Variants in CEP170 observed in about 807,000 individuals in gnomAD.
CEP170 encodes centrosomal protein 170.
In CEP170, 21 loss-of-function variants were observed where a neutral mutation model predicts 151.9. That is an observed-to-expected ratio of 0.14 (90% CI 0.10 to 0.20). The LOEUF (loss-of-function observed/expected upper bound fraction) is 0.20. Among genes scored for constraint, CEP170 ranks in the 10% least tolerant of loss-of-function variants. CEP170 has a pLI of 1.00. For synonymous variants in CEP170, 356 were observed against 648.8 expected, an observed-to-expected ratio of 0.55 and a Z score of 6.86; for missense variants, 964 against 1,892.9, an observed-to-expected ratio of 0.51 and a Z score of 9.11.
At chr1:243,178,222 G>T (rs1011879829) in intron 10 of CEP170, among the ~76,000 whole-genome samples, 26 of 148,988 alleles carry the variant, frequency 1.7e-4, no homozygotes, top group African/African-American at 6.2e-4. Flanking sequence ...CCAGCTACTA[G>T]CGAGGCTGAG....
chr1:243,228,827 A>G (rs1046697323), intron 1 of CEP170, among the ~76,000 whole-genome samples: 2 of 152,238 alleles, frequency 1.3e-5, no homozygotes, highest in Non-Finnish European at 2.9e-5. Context: ...AAAATAAAAT[A>G]AAAACAATGG....
rs1379193117 is a variant in CEP170, at chr1:243,200,512, G to A, written c.496+6C>T. The A allele has an allele frequency of 1.3e-6, 2 of 1,560,108 alleles. No individual in the cohort carries two copies. Among genetic ancestry groups the A allele is most frequent in the East Asian group, 2.3e-5 (1 of 44,080 alleles). ...AAAGATGGTCTTTCGAGAGAGGCCA[G>A]CTTACCCATGGCTTTTTCCTCGGAT... On this transcript the variant is annotated splice_donor_region_variant and intron_variant, in intron 6 of 19. Transcript: ENST00000366542.
At chr1:243,174,089 G>C (rs1308288868) in intron 10 of CEP170, among the ~76,000 whole-genome samples, 1 of 152,172 alleles carries the variant, frequency 6.6e-6, no homozygotes, top group Non-Finnish European at 1.5e-5. Flanking sequence ...GTTTCAAAAA[G>C]CAAGTTGTCA....
chr1:243,190,103 A>T (rs1275547900), intron 8 of CEP170, among the ~76,000 whole-genome samples: 1 of 152,236 alleles, frequency 6.6e-6, no homozygotes. Context: ...ATTGACAGAG[A>T]AATCGCCCAT....
At chr1:243,178,674 A>C (rs2059414036) in intron 10 of CEP170, among the ~76,000 whole-genome samples, 1 of 152,018 alleles carries the variant, frequency 6.6e-6, no homozygotes, top group South Asian at 2.1e-4. Flanking sequence ...ATTTCATATT[A>C]TATGAATTTT....
Position 243,241,974 on chromosome 1 carries a change from T to C in CEP170, c.-42+13066A>G, listed in dbSNP as rs982623152. On this transcript the variant is annotated intron_variant, in intron 1 of 19. Coordinates refer to ENST00000366542, the MANE Select transcript of CEP170 (RefSeq NM_014812.3). ...AAAAGCACAATGTACTGATTTAGAA[T>C]GCAGACTGGAGGAGGAGACTACAAA... Among the ~76,000 whole-genome samples, 47 of 151,746 alleles carry C rather than the reference T, an allele frequency of 3.1e-4. 1 individual carries two copies. Among genetic ancestry groups the C allele is most frequent in the Admixed American group, 2.6e-3 (40 of 15,228 alleles).
Position 243,165,859 on chromosome 1 carries a change from T to A in CEP170, c.2101A>T (p.Met701Leu), listed in dbSNP as rs755308012. The change falls in exon 13 of 20, where the codon ATG becomes TTG. Residue 701 changes from methionine (M) to leucine (L), a missense_variant. By Grantham distance (15) the Met-to-Leu change is conservative (BLOSUM62 2). Transcript: ENST00000366542. ...GTCTCTCCATTTACTGCCCTGTTCA[T>A]TTTACTCAAGGGTCTGTCAGCATCT... ...KQDADRPLSK[M>L]NRAVNGETLK... 1 of 1,613,974 alleles carries A rather than the reference T, an allele frequency of 6.2e-7. No individual in the cohort carries two copies. Among genetic ancestry groups the A allele is most frequent in the South Asian group, 1.1e-5 (1 of 91,076 alleles).
intron 3 of CEP170, among the ~76,000 whole-genome samples, chr1:243,216,122 T>A (rs553891521): frequency 5.9e-5 from 9 of 152,164 alleles, no homozygotes; most frequent in Non-Finnish European, 1.3e-4. Context: ...TAACTGCCTA[T>A]GCAGACATCA....
chr1:243,225,471 T>C (rs1212607857), intron 1 of CEP170, 150 bp from the exon 2 acceptor site: 3 of 428,938 alleles, frequency 7.0e-6, no homozygotes, highest in South Asian at 6.4e-5. Context: ...GGAAATGACA[T>C]ATATACTAAA....
At chr1:243,214,032 A>G (rs1384109491) in intron 3 of CEP170, among the ~76,000 whole-genome samples, 1 of 152,156 alleles carries the variant, frequency 6.6e-6, no homozygotes, top group Non-Finnish European at 1.5e-5. Flanking sequence ...GAAGTGTCAT[A>G]TTTTAAAAGA....
chr1:243,133,726 A>G (rs1388985839), intron 17 of CEP170, among the ~76,000 whole-genome samples: 3 of 152,194 alleles, frequency 2.0e-5, no homozygotes, highest in Non-Finnish European at 2.9e-5. Context: ...AATGGGTTGT[A>G]CGGTGAAGGG....
chr1:243,177,673 T>C (rs994122037), intron 10 of CEP170, among the ~76,000 whole-genome samples: 7 of 152,320 alleles, frequency 4.6e-5, no homozygotes, highest in Non-Finnish European at 1.0e-4. Flanking sequence ...TAAATCAGGA[T>C]GATTTAAGAG....
At chr1:243,156,510 T>C in intron 13 of CEP170, 55 bp from the exon 14 acceptor site, 1 of 1,472,132 alleles carries the variant, frequency 6.8e-7, no homozygotes, top group South Asian at 1.4e-5. Flanking sequence ...TTAAAGGAGG[T>C]AAAATAAAAG....
chr1:243,243,607 T>C (rs1479223811), intron 1 of CEP170, among the ~76,000 whole-genome samples: 9 of 152,090 alleles, frequency 5.9e-5, no homozygotes, highest in Non-Finnish European at 8.8e-5. Context: ...CACTGCAACC[T>C]CTGCCTCCCA....
intron 1 of CEP170, among the ~76,000 whole-genome samples, chr1:243,250,134 G>A (rs991560654): frequency 5.9e-5 from 9 of 152,068 alleles, no homozygotes; most frequent in Non-Finnish European, 1.2e-4. Context: ...AAACCCATCC[G>A]AATGGTTTTC....
chr1:243,152,168 C>T (rs2148421490), intron 14 of CEP170, among the ~76,000 whole-genome samples: 1 of 151,946 alleles, frequency 6.6e-6, no homozygotes, highest in East Asian at 1.9e-4. Context: ...ATTAATGTTG[C>T]TTTCATACCT....
chr1:243,212,479 G>A (rs541791229), intron 3 of CEP170, among the ~76,000 whole-genome samples: 2 of 152,014 alleles, frequency 1.3e-5, no homozygotes, highest in Non-Finnish European at 2.9e-5. Context: ...ATCCCTTTAG[G>A]AATCACATAC....
chr1:243,222,770 T>C (rs1329930587), intron 2 of CEP170, among the ~76,000 whole-genome samples: 1 of 152,186 alleles, frequency 6.6e-6, no homozygotes, highest in African/African-American at 2.4e-5. Flanking sequence ...TCTTAGTTTT[T>C]CAGAGACCTG....
At chr1:243,128,187 C>T in intron 19 of CEP170, 62 bp downstream of exon 19, 3 of 1,371,590 alleles carry the variant, frequency 2.2e-6, no homozygotes, top group Non-Finnish European at 2.9e-6. Context: ...TAAGAAATAC[C>T]ACTCAGAAGG....
Sources: allele counts gnomAD v4.1 joint callset (sites outside exome capture counted in the v4.1 genomes callset), GRCh38; gene constraint gnomAD v4.1.1; transcripts MANE v1.5; gene names NCBI Gene and HGNC (gene_info 2026-07-23, HGNC 2026-07-21).